RCAN2: variants seen among roughly 807,000 people sequenced by gnomAD.
RCAN2 encodes the protein regulator of calcineurin 2.
A neutral mutation model predicts 23.6 loss-of-function variants in RCAN2; 9 were observed. That is an observed-to-expected ratio of 0.38 (90% CI 0.23 to 0.67). The LOEUF (loss-of-function observed/expected upper bound fraction) is 0.67, where lower values mean the gene tolerates loss of function less well. Ranked by LOEUF, RCAN2 falls within the 30% of genes least tolerant of loss-of-function variation. RCAN2 has a pLI of 0.51. For missense variants in RCAN2, 273 were observed against 302.3 expected (o/e 0.90, Z 0.72); for synonymous variants, 109 against 115.7 (o/e 0.94, Z 0.37).
intron 2 of RCAN2, among the ~76,000 whole-genome samples, chr6:46,365,717 C>T (rs1020029954): frequency 6.6e-6 from 1 of 152,138 alleles, no homozygotes; most frequent in Admixed American, 6.5e-5. Context: ...TAAAGCTCAA[C>T]ATATTTGATA....
chr6:46,267,389 G>A (rs1767370565), intron 2 of RCAN2, among the ~76,000 whole-genome samples: 1 of 152,100 alleles, frequency 6.6e-6, no homozygotes, highest in Non-Finnish European at 1.5e-5. Context: ...CAGAAAAAAA[G>A]AATTAAAGAG....
At chr6:46,487,370 T>C (rs1561925006) in intron 1 of RCAN2, among the ~76,000 whole-genome samples, 1 of 152,210 alleles carries the variant, frequency 6.6e-6, no homozygotes, top group Non-Finnish European at 1.5e-5. Flanking sequence ...CTTTCTTAGA[T>C]AAATAGATGA....
chr6:46,449,746 T>C (rs1451715250), intron 2 of RCAN2, among the ~76,000 whole-genome samples: 1 of 151,908 alleles, frequency 6.6e-6, no homozygotes, highest in African/African-American at 2.4e-5. Context: ...TTAATAATAA[T>C]AATGTTGGAA....
At chr6:46,429,071 T>C (rs1288496618) in intron 2 of RCAN2, among the ~76,000 whole-genome samples, 1 of 152,176 alleles carries the variant, frequency 6.6e-6, no homozygotes, top group Non-Finnish European at 1.5e-5. Flanking sequence ...TAATCACATG[T>C]ATAATTGTTT....
chr6:46,351,172 C>G (rs1234789003), intron 2 of RCAN2, among the ~76,000 whole-genome samples: 1 of 152,180 alleles, frequency 6.6e-6, no homozygotes, highest in East Asian at 1.9e-4. Context: ...GTAAATGAGG[C>G]CAGGATTTCA....
At chr6:46,308,515 A>C (rs1345328432) in intron 2 of RCAN2, among the ~76,000 whole-genome samples, 1 of 152,156 alleles carries the variant, frequency 6.6e-6, no homozygotes, top group African/African-American at 2.4e-5. Context: ...GAATGAGACC[A>C]AAATGTCTAA....
chr6:46,363,490 G>C (rs1247421703), intron 2 of RCAN2, among the ~76,000 whole-genome samples: 3 of 151,976 alleles, frequency 2.0e-5, no homozygotes, highest in Non-Finnish European at 2.9e-5. Flanking sequence ...CAAGAAACTA[G>C]GGTAGTAAAT....
chr6:46,256,776 G>C (rs1465137046), intron 2 of RCAN2, among the ~76,000 whole-genome samples: 1 of 152,166 alleles, frequency 6.6e-6, no homozygotes, highest in Non-Finnish European at 1.5e-5. Flanking sequence ...TGGAAAACGA[G>C]AAGAGAAAAA....
chr6:46,351,739 G>C (rs77548719), intron 2 of RCAN2, among the ~76,000 whole-genome samples: 1,538 of 152,342 alleles, frequency 0.01, 8 homozygotes, highest in Non-Finnish European at 0.018. Context: ...TGCAGTCCTA[G>C]ATGGTCCAGG....
At chr6:46,436,439 T>G (rs1036081945) in intron 2 of RCAN2, among the ~76,000 whole-genome samples, 3 of 152,200 alleles carry the variant, frequency 2.0e-5, no homozygotes, top group African/African-American at 7.2e-5. Flanking sequence ...GGTTTCGAAC[T>G]CCTGACCTCA....
chr6:46,258,246 G>A lies in RCAN2; in HGVS notation c.226-9350C>T, dbSNP rs73454575. ...AAGAACCACTCTGGATGTGATGGGC[G>A]TCTCAGGAGGACCTCCTGGACAGGA... On this transcript the variant is annotated intron_variant, in intron 2 of 4. Coordinates refer to ENST00000371374, the MANE Select transcript of RCAN2 (RefSeq NM_001251974.2). Among the ~76,000 whole-genome samples, 1,099 of 152,264 alleles carry A rather than the reference G, an allele frequency of 7.2e-3. 15 individuals are homozygous for A. The highest frequency in any genetic ancestry group is 0.025 in the African/African-American group (1,041 of 41,534).
At chr6:46,366,879 G>C (rs1474841197) in intron 2 of RCAN2, among the ~76,000 whole-genome samples, 3 of 151,268 alleles carry the variant, frequency 2.0e-5, no homozygotes, top group Admixed American at 2.0e-4. Context: ...TACCTACAAG[G>C]ATAGTAGCCC....
intron 2 of RCAN2, chr6:46,325,290 A>G (rs1763755133): frequency 7.9e-7 from 1 of 1,269,586 alleles, no homozygotes; most frequent in African/African-American, 1.5e-5. Context: ...GCAGACTATG[A>G]GCTGAAAACT....
In RCAN2 at chr6:46,276,992, C is replaced by T. The variant is rs182301282; in HGVS notation, c.226-28096G>A. Among the ~76,000 whole-genome samples the T allele has an allele frequency of 1.4e-3, 212 of 152,324 alleles. 1 individual carries two copies. The highest frequency in any genetic ancestry group is 5.0e-3 in the African/African-American group (206 of 41,580). ...TTAAGCAGATACCATCAGTACTATC[C>T]GGCCTTTATGTGGAAATGGAAGACA... is the stretch of plus-strand genomic sequence containing the variant. On this transcript the variant is annotated intron_variant, in intron 2 of 4. Transcript: ENST00000371374.
chr6:46,449,750 G>A (rs1767820539), intron 2 of RCAN2, among the ~76,000 whole-genome samples: 1 of 151,824 alleles, frequency 6.6e-6, no homozygotes, highest in South Asian at 2.1e-4. Context: ...TAATAATAAT[G>A]TTGGAACAAC....
chr6:46,372,983 G>A (rs1417152994), intron 2 of RCAN2, among the ~76,000 whole-genome samples: 1 of 152,202 alleles, frequency 6.6e-6, no homozygotes, highest in Non-Finnish European at 1.5e-5. Flanking sequence ...GACATTCGTA[G>A]TGAATATAGG....
intron 2 of RCAN2, among the ~76,000 whole-genome samples, chr6:46,432,606 C>A (rs1649953808): frequency 6.6e-6 from 1 of 152,126 alleles, no homozygotes; most frequent in African/African-American, 2.4e-5. Context: ...TGTTTCTAAA[C>A]ATGAAACATG....
chr6:46,240,863 T>C (rs1027758423), intron 4 of RCAN2, among the ~76,000 whole-genome samples: 1 of 152,204 alleles, frequency 6.6e-6, no homozygotes, highest in Non-Finnish European at 1.5e-5. Context: ...CATGTTTTGA[T>C]ACAGAAGAAT....
chr6:46,325,050 A>C (rs1453853896), intron 2 of RCAN2, among the ~76,000 whole-genome samples: 2 of 152,258 alleles, frequency 1.3e-5, no homozygotes, highest in African/African-American at 2.4e-5. Context: ...GTAATCATTG[A>C]TTCAAAATCC....
Sources: gnomAD v4.1 joint callset for allele counts (sites outside exome capture counted in the v4.1 genomes callset) on GRCh38, gnomAD v4.1.1 for gene constraint, MANE v1.5 for transcripts, NCBI Gene and HGNC (gene_info 2026-07-23, HGNC 2026-07-21) for gene names.